Variants in SEL1L3 observed in about 807,000 individuals in gnomAD.
SEL1L3 encodes protein sel-1 homolog 3.
Under a neutral mutation model 142.8 loss-of-function variants are expected in SEL1L3, and 76 were observed. The ratio of observed to expected loss-of-function variants is 0.53; its 90% CI spans 0.44 to 0.64. The LOEUF (loss-of-function observed/expected upper bound fraction) is 0.64. Among genes scored for constraint, SEL1L3 ranks in the 30% least tolerant of loss-of-function variants. The pLI, the probability that SEL1L3 is intolerant of heterozygous loss-of-function variation, is 0.00. For synonymous variants in SEL1L3, 504 were observed against 519.6 expected (o/e 0.97, Z 0.41); for missense variants, 1,262 against 1,381.7 (o/e 0.91, Z 1.37).
chr4:25,821,974 C>T (rs779262065), intron 7 of SEL1L3, 22 bp downstream of exon 7: 1 of 1,609,762 alleles, frequency 6.2e-7, no homozygotes, highest in Admixed American at 1.7e-5. Flanking sequence ...GTACCGCAAT[C>T]TTCCTGATCC....
At chr4:25,755,779 C>T (rs1717918127) in intron 23 of SEL1L3, 1 of 759,458 alleles carries the variant, frequency 1.3e-6, no homozygotes, top group South Asian at 6.0e-5. Flanking sequence ...GGCATAAAAT[C>T]ACAAAGACAA....
chr4:25,743,866 C>G (rs1717185363), downstream of SEL1L3, among the ~76,000 whole-genome samples: 1 of 152,146 alleles, frequency 6.6e-6, no homozygotes, highest in Admixed American at 6.5e-5. Context: ...TCCTACCCCA[C>G]GTTGCCTTTA....
intron 14 of SEL1L3, 146 bp downstream of exon 14, chr4:25,784,082 T>C: frequency 1.4e-6 from 1 of 695,648 alleles, no homozygotes; most frequent in Non-Finnish European, 2.6e-6. Context: ...GCAGTGGGGG[T>C]GCCGTGCTGG....
chr4:25,803,470 C>T (rs747721133), intron 10 of SEL1L3, among the ~76,000 whole-genome samples: 5 of 152,312 alleles, frequency 3.3e-5, no homozygotes, highest in South Asian at 4.1e-4. Context: ...AATTTGAAAA[C>T]GAAAAGCAAT....
intron 1 of SEL1L3, among the ~76,000 whole-genome samples, chr4:25,859,436 A>G (rs957084435): frequency 1.3e-5 from 2 of 152,138 alleles, no homozygotes; most frequent in African/African-American, 4.8e-5. Context: ...CTAGCTACAG[A>G]CACAGTACTC....
chr4:25,806,570 G>A (rs1713592458), intron 9 of SEL1L3, among the ~76,000 whole-genome samples: 1 of 152,094 alleles, frequency 6.6e-6, no homozygotes, highest in Non-Finnish European at 1.5e-5. Context: ...GGTGCCTGGG[G>A]GTACATGGGT....
At chr4:25,815,374 T>C (rs915270374) in intron 9 of SEL1L3, among the ~76,000 whole-genome samples, 1 of 151,938 alleles carries the variant, frequency 6.6e-6, no homozygotes. Context: ...ACCCAGGGAG[T>C]CTTAAGGTAA....
chr4:25,817,211 C>T (rs1222304840), intron 9 of SEL1L3, among the ~76,000 whole-genome samples: 1 of 152,206 alleles, frequency 6.6e-6, no homozygotes, highest in Non-Finnish European at 1.5e-5. Flanking sequence ...CTGTTAGACA[C>T]TGCCATTCTT....
chr4:25,820,778 CT>C (rs1438364271), intron 7 of SEL1L3, among the ~76,000 whole-genome samples: 1 of 152,060 alleles, frequency 6.6e-6, no homozygotes, highest in African/African-American at 2.4e-5. Context: ...TTCTTTCTTT[CT>C]TTTTTTAATT....
intron 1 of SEL1L3, among the ~76,000 whole-genome samples, chr4:25,857,478 C>T (rs1717344344): frequency 1.3e-5 from 2 of 152,192 alleles, no homozygotes; most frequent in African/African-American, 4.8e-5. Context: ...GTGTGTTAAA[C>T]CTTTTTCTCT....
At chr4:25,743,279 A>G (rs1295354026), downstream of SEL1L3, among the ~76,000 whole-genome samples, 1 of 152,186 alleles carries the variant, frequency 6.6e-6, no homozygotes, top group Admixed American at 6.5e-5. Context: ...TGTAGGATGG[A>G]TTTGTTTCAA....
intron 21 of SEL1L3, among the ~76,000 whole-genome samples, chr4:25,758,702 T>A (rs971749652): frequency 6.6e-6 from 1 of 150,998 alleles, no homozygotes; most frequent in Non-Finnish European, 1.5e-5. Flanking sequence ...TTAGTAGAGA[T>A]AAGGTTCTGC....
the SEL1L3 span, chr4:25,718,635 C>T: frequency 6.6e-6 from 1 of 152,090 alleles, no homozygotes; most frequent in South Asian, 2.1e-4. Flanking sequence ...AGAGCTATTC[C>T]TCATAGGGAC....
At chr4:25,758,885 A>C in intron 21 of SEL1L3, 56 bp downstream of exon 21, 1 of 1,538,278 alleles carries the variant, frequency 6.5e-7, no homozygotes, top group East Asian at 2.3e-5. Flanking sequence ...CCAAGAAGCG[A>C]ACATCATCTA....
rs189632602 is a variant in SEL1L3, at chr4:25,750,516, A to T, written c.3260-1952T>A. Among the ~76,000 whole-genome samples, 13 of 152,306 alleles carry T rather than the reference A, an allele frequency of 8.5e-5. No homozygotes were observed. The East Asian group carries it at 1.2e-3, about 14-fold the overall frequency. On this transcript the variant is annotated intron_variant, in intron 23 of 23. Transcript: ENST00000399878. ...TGCACAAAGGAGGTATACAGGGGAA[A>T]ACCCTAGAAATTGTATGCTATAAGT...
chr4:25,835,469 A>C, intron 2 of SEL1L3, 146 bp from the exon 3 acceptor site: 1 of 839,822 alleles, frequency 1.2e-6, no homozygotes, highest in Non-Finnish European at 1.8e-6. Context: ...CTGTTGAATA[A>C]ATGCCAAGCA....
chr4:25,839,210 T>C lies in SEL1L3; in HGVS notation c.734-3887A>G, dbSNP rs181458342. Among the ~76,000 whole-genome samples the C allele has an allele frequency of 1.1e-3, 169 of 152,296 alleles. 1 individual carries two copies. The highest frequency in any genetic ancestry group is 1.9e-4 in the Non-Finnish European group (13 of 68,032). On this transcript the variant is annotated intron_variant, in intron 2 of 23. Transcript: ENST00000399878. ...AAAGCCAAAGTCTGAGAATAAAAAC[T>C]CGATTTTCTAGCAGATATGATTTAG... is the stretch of plus-strand genomic sequence containing the variant.
chr4:25,819,698 T>A (rs1160612152), intron 8 of SEL1L3, 110 bp downstream of exon 8: 16 of 1,025,000 alleles, frequency 1.6e-5, no homozygotes, highest in Non-Finnish European at 1.9e-5. Context: ...CCATCTGGTA[T>A]CTGAGCCAAG....
intron 5 of SEL1L3, 106 bp from the exon 6 acceptor site, chr4:25,830,262 C>T: frequency 1.5e-6 from 1 of 659,034 alleles, no homozygotes; most frequent in Non-Finnish European, 2.6e-6. Flanking sequence ...GAGTCTTTTA[C>T]CTGATCAGTT....
Sources: gnomAD v4.1 joint callset for allele counts (sites outside exome capture counted in the v4.1 genomes callset) on GRCh38, gnomAD v4.1.1 for gene constraint, MANE v1.5 for transcripts, NCBI Gene and HGNC (gene_info 2026-07-23, HGNC 2026-07-21) for gene names.